AOPEP: variants seen among roughly 807,000 people sequenced by gnomAD.
AOPEP encodes the protein aminopeptidase O.
In AOPEP, 77 loss-of-function variants were observed where a neutral mutation model predicts 98.1. The observed-to-expected ratio is 0.78, with a 90% CI of 0.65 to 0.95. The LOEUF (loss-of-function observed/expected upper bound fraction) is 0.95, where lower values mean the gene tolerates loss of function less well. Among genes scored for constraint, AOPEP ranks in the 40% least tolerant of loss-of-function variants. AOPEP has a pLI of 0.00. For missense variants in AOPEP, 1,024 were observed against 1,024.7 expected (o/e 1.00, Z 0.01); for synonymous variants, 346 against 365.3 (o/e 0.95, Z 0.60).
the AOPEP span, chr9:95,125,326 C>A: frequency 1.4e-6 from 1 of 719,232 alleles, no homozygotes; most frequent in Admixed American, 2.1e-5. Context: ...AGATTTCAGT[C>A]CTTGTGTGAA....
chr9:94,844,469 T>A lies in AOPEP; in HGVS notation c.1364+43467T>A, dbSNP rs1007800396. The stretch of plus-strand genomic sequence containing the variant: ...CGGAGTAATTATCATGTCCATCACT[T>A]TAAGCATTTGTCATTTCTTTGTGGT... On this transcript the variant is annotated intron_variant, in intron 5 of 16. Coordinates refer to ENST00000375315, the MANE Select transcript of AOPEP (RefSeq NM_001193329.3). Among the ~76,000 whole-genome samples, 8 of 152,338 alleles carry A rather than the reference T, an allele frequency of 5.3e-5. No individual in the cohort carries two copies. In the South Asian group the frequency reaches 1.0e-3, roughly 20 times the overall value.
At chr9:94,943,919 C>CAAAAAAAAAAAAAAAA (rs775807087) in intron 7 of AOPEP, among the ~76,000 whole-genome samples, 3 of 17,396 alleles carry the variant, frequency 1.7e-4, no homozygotes, top group African/African-American at 2.9e-4. Flanking sequence ...GACTCCATCT[C>CAAAAAAAAAAAAAAAA]AAAAAAAAAA....
At chr9:95,022,503 A>C (rs964789531) in intron 13 of AOPEP, among the ~76,000 whole-genome samples, 2 of 151,980 alleles carry the variant, frequency 1.3e-5, no homozygotes, top group African/African-American at 4.8e-5. Flanking sequence ...ATGCCTGGCT[A>C]ATTTTTTTTG....
At chr9:94,793,379 AAAG>A (rs1283988505) in intron 4 of AOPEP, among the ~76,000 whole-genome samples, 2 of 145,768 alleles carry the variant, frequency 1.4e-5, no homozygotes, top group Admixed American at 1.4e-4. Flanking sequence ...AAAACAAAAC[AAAG>A]AAGAAAGGAA....
intron 13 of AOPEP, among the ~76,000 whole-genome samples, chr9:95,007,144 C>T (rs144327238): frequency 0.011 from 1,601 of 152,196 alleles, 32 homozygotes; most frequent in African/African-American, 0.037. Context: ...TCGTGATCTG[C>T]CCGCCTCGGT....
intron 5 of AOPEP, among the ~76,000 whole-genome samples, chr9:94,859,419 A>G (rs10993375): frequency 6.6e-6 from 1 of 152,222 alleles, no homozygotes; most frequent in Non-Finnish European, 1.5e-5. Flanking sequence ...TGCCTCTTAC[A>G]AGGACATGTG....
At chr9:95,092,905 T>A in the AOPEP span, among the ~76,000 whole-genome samples, 13 of 152,200 alleles carry the variant, frequency 8.5e-5, no homozygotes, top group African/African-American at 2.7e-4. Context: ...CCGTGATCCC[T>A]GAGGTTTCTG....
chr9:95,092,082 G>GTGCA (rs1554825928), downstream of AOPEP, among the ~76,000 whole-genome samples: 46 of 138,438 alleles, frequency 3.3e-4, no homozygotes, highest in Admixed American at 5.0e-4. Flanking sequence ...GTGTGTGTGT[G>GTGCA]CACACACACA....
chr9:94,782,918 C>T (rs930346881), intron 3 of AOPEP, among the ~76,000 whole-genome samples: 1 of 152,230 alleles, frequency 6.6e-6, no homozygotes. Context: ...TGAAAGTCAT[C>T]ATGGTTTCTT....
intron 5 of AOPEP, among the ~76,000 whole-genome samples, chr9:94,806,801 C>G (rs144191871): frequency 2.0e-4 from 31 of 152,228 alleles, no homozygotes; most frequent in African/African-American, 7.2e-4. Context: ...TTGACAATAC[C>G]ACTTTGTACT....
At chr9:94,977,867 A>G (rs1397232495) in intron 10 of AOPEP, among the ~76,000 whole-genome samples, 1 of 151,852 alleles carries the variant, frequency 6.6e-6, no homozygotes, top group Non-Finnish European at 1.5e-5. Flanking sequence ...CATCTTTCAT[A>G]TGAACTCAAA....
At chr9:94,750,419 A>C (rs1835416641) in intron 1 of AOPEP, among the ~76,000 whole-genome samples, 1 of 152,022 alleles carries the variant, frequency 6.6e-6, no homozygotes, top group Non-Finnish European at 1.5e-5. Context: ...CCCTGTCTCT[A>C]CTAAAAATAC....
rs10993466 is a variant in AOPEP at position 95,054,507 on chromosome 9, G to A, written c.2116-6187G>A. On this transcript the variant is annotated intron_variant, in intron 13 of 16. Coordinates refer to ENST00000375315, the MANE Select transcript of AOPEP (RefSeq NM_001193329.3). ...AGTGTATGCTTTTAACAAGAGTTAG[G>A]GGAATAATAGCACGGGAACATTTGA... 7.2e-5 allele frequency among the ~76,000 whole-genome samples: 11 copies of A among 152,282 alleles called. No homozygotes were observed. In the East Asian group the frequency reaches 2.1e-3, roughly 29 times the overall value.
intron 1 of AOPEP, among the ~76,000 whole-genome samples, chr9:94,728,239 G>A (rs1020568408): frequency 1.4e-5 from 2 of 146,512 alleles, no homozygotes; most frequent in South Asian, 2.2e-4. Context: ...GTGCGCGCAT[G>A]CACACACACA....
chr9:95,033,748 A>G (rs998080566), intron 13 of AOPEP, among the ~76,000 whole-genome samples: 3 of 152,228 alleles, frequency 2.0e-5, no homozygotes, highest in Non-Finnish European at 2.9e-5. Context: ...GGGTTCAGCA[A>G]ATCACAATAC....
chr9:94,752,799 A>G (rs1836130118), intron 1 of AOPEP, among the ~76,000 whole-genome samples: 1 of 152,188 alleles, frequency 6.6e-6, no homozygotes, highest in African/African-American at 2.4e-5. Flanking sequence ...TTGAATCTGG[A>G]TTGGCCTTAT....
chr9:94,917,178 C>G (rs1040746503), intron 5 of AOPEP, among the ~76,000 whole-genome samples: 1 of 152,168 alleles, frequency 6.6e-6, no homozygotes, highest in African/African-American at 2.4e-5. Context: ...ACAACGTTCT[C>G]TCGGGATGTG....
chr9:94,748,059 G>A (rs779509917), intron 1 of AOPEP, among the ~76,000 whole-genome samples: 1 of 152,098 alleles, frequency 6.6e-6, no homozygotes, highest in African/African-American at 2.4e-5. Context: ...ATTTTGCTAA[G>A]TACAAAAATA....
intron 13 of AOPEP, chr9:95,021,941 G>T (rs371666238): frequency 3.9e-5 from 6 of 152,216 alleles, no homozygotes; most frequent in Non-Finnish European, 7.3e-5. Context: ...TTGCTTAACC[G>T]CATTTTCACT....
Sources: allele counts gnomAD v4.1 joint callset (sites outside exome capture counted in the v4.1 genomes callset), GRCh38; gene constraint gnomAD v4.1.1; transcripts MANE v1.5; gene names NCBI Gene and HGNC (gene_info 2026-07-23, HGNC 2026-07-21).